The following PLCZ1 variants were observed in gnomAD, a reference collection of about 807,000 sequenced individuals.
PLCZ1 encodes 1-phosphatidylinositol 4,5-bisphosphate phosphodiesterase zeta-1.
A neutral mutation model predicts 76.8 loss-of-function variants in PLCZ1; 64 were observed. The ratio of observed to expected loss-of-function variants is 0.83; its 90% CI spans 0.68 to 1.03. The LOEUF (loss-of-function observed/expected upper bound fraction) is 1.03. Ranked by LOEUF, PLCZ1 falls within the 50% of genes least tolerant of loss-of-function variation. The pLI is 0.00. For synonymous variants in PLCZ1, 248 were observed against 230.8 expected (o/e 1.07, Z -0.68); for missense variants, 751 against 713.7 (o/e 1.05, Z -0.60).
At chr12:18,667,655 G>T in the PLCZ1 span, among the ~76,000 whole-genome samples, 2 of 152,130 alleles carry the variant, frequency 1.3e-5, no homozygotes, top group African/African-American at 4.8e-5. Flanking sequence ...GACCCAGTTT[G>T]TACAAGGCAT....
chr12:18,687,978 A>G, intron 13 of PLCZ1, 111 bp downstream of exon 13: 1 of 1,420,628 alleles, frequency 7.0e-7, no homozygotes. Context: ...ATAATGGAAA[A>G]CCCTTGTCTT....
chr12:18,689,876 A>G (rs1397356876), intron 12 of PLCZ1, among the ~76,000 whole-genome samples: 1 of 150,904 alleles, frequency 6.6e-6, no homozygotes, highest in Non-Finnish European at 1.5e-5. Context: ...GCCTTCTACT[A>G]TCTGAGCAAG....
the PLCZ1 span, among the ~76,000 whole-genome samples, chr12:18,668,182 A>C: frequency 6.6e-6 from 1 of 152,188 alleles, no homozygotes; most frequent in Non-Finnish European, 1.5e-5. Context: ...AAAGAAAAAA[A>C]GTCCAGTCAT....
chr12:18,730,017 C>T (rs1958956147), intron 3 of PLCZ1, among the ~76,000 whole-genome samples: 1 of 152,068 alleles, frequency 6.6e-6, no homozygotes, highest in Admixed American at 6.6e-5. Flanking sequence ...TAGGTATATT[C>T]ATACATAATA....
chr12:18,685,846 GCA>G (rs3055342), intron 13 of PLCZ1, among the ~76,000 whole-genome samples: 15,202 of 109,192 alleles, frequency 0.14, 1,198 homozygotes, highest in African/African-American at 0.31. Context: ...ACACACACGC[GCA>G]CACACACACA....
At chr12:18,675,022 C>T in the PLCZ1 span, among the ~76,000 whole-genome samples, 5 of 152,094 alleles carry the variant, frequency 3.3e-5, no homozygotes, top group East Asian at 1.9e-4. Context: ...CTTCCAAAGA[C>T]GGCAATAGTC....
chr12:18,736,088 C>T, intron 3 of PLCZ1, 133 bp downstream of exon 3: 1 of 990,208 alleles, frequency 1.0e-6, no homozygotes, highest in Non-Finnish European at 1.4e-6. Context: ...AAATGCTCTC[C>T]ATCTTGATTG....
At chr12:18,736,640 T>C (rs1364295418) in intron 2 of PLCZ1, 1 of 1,294,580 alleles carries the variant, frequency 7.7e-7, no homozygotes, top group Non-Finnish European at 1.0e-6. Flanking sequence ...TAACAATCTA[T>C]TGCCTGAAGG....
rs914835769 is a variant in PLCZ1 at position 18,692,858 on chromosome 12, T to G, written c.1461+2052A>C. On this transcript the variant is annotated intron_variant, in intron 12 of 14. Transcript: ENST00000266505. The stretch of plus-strand genomic sequence containing the variant: ...AGGACAAGAAAAAGAAATATGAACC[T>G]CCTGTACCAACTACAGTGGGGAAAA... 5 of 1,599,968 alleles carry G rather than the reference T, an allele frequency of 3.1e-6. No homozygotes were observed. In the African/African-American group the frequency reaches 6.7e-5, roughly 21 times the overall value.
chr12:18,660,960 A>G, the PLCZ1 span, among the ~76,000 whole-genome samples: 1 of 152,170 alleles, frequency 6.6e-6, no homozygotes, highest in African/African-American at 2.4e-5. Flanking sequence ...ATAAAAATAT[A>G]GAAAACCCAA....
intron 9 of PLCZ1, 73 bp downstream of exon 9, chr12:18,701,428 T>TA (rs979839898): frequency 9.0e-5 from 144 of 1,604,066 alleles, no homozygotes; most frequent in Non-Finnish European, 1.2e-4. Flanking sequence ...TCCAGAATTT[T>TA]AAAAAAATCT....
the PLCZ1 span, among the ~76,000 whole-genome samples, chr12:18,649,593 C>T: frequency 2.6e-5 from 4 of 152,136 alleles, no homozygotes; most frequent in African/African-American, 9.7e-5. Context: ...AAATGGTTGT[C>T]TTTACTGCCT....
the PLCZ1 span, among the ~76,000 whole-genome samples, chr12:18,654,070 T>C: frequency 6.6e-6 from 1 of 151,962 alleles, no homozygotes; most frequent in East Asian, 1.9e-4. Context: ...AAATAGAATG[T>C]GTCAAACTGA....
intron 13 of PLCZ1, among the ~76,000 whole-genome samples, chr12:18,686,943 G>T (rs1440548124): frequency 6.6e-6 from 1 of 151,960 alleles, no homozygotes; most frequent in Non-Finnish European, 1.5e-5. Context: ...AGTATTATAA[G>T]GGGTGCATTG....
At chr12:18,723,985 T>A (rs1385300148) in intron 3 of PLCZ1, among the ~76,000 whole-genome samples, 4 of 151,982 alleles carry the variant, frequency 2.6e-5, no homozygotes, top group Non-Finnish European at 1.5e-5. Flanking sequence ...CTTGAGGAAG[T>A]GGAGTCTGAG....
At chr12:18,700,826 T>G (rs934522489) in intron 9 of PLCZ1, among the ~76,000 whole-genome samples, 1 of 152,314 alleles carries the variant, frequency 6.6e-6, no homozygotes, top group East Asian at 1.9e-4. Flanking sequence ...TCTTTCATCA[T>G]GCTAATGTAT....
chr12:18,672,332 G>A, the PLCZ1 span, among the ~76,000 whole-genome samples: 8 of 151,906 alleles, frequency 5.3e-5, no homozygotes, highest in East Asian at 3.9e-4. Context: ...AACCTTTCCC[G>A]ACAGTTAAGA....
chr12:18,656,438 C>T, the PLCZ1 span, among the ~76,000 whole-genome samples: 2,312 of 152,044 alleles, frequency 0.015, 33 homozygotes, highest in African/African-American at 0.043. Flanking sequence ...TGGTGGCGGG[C>T]GCCTGTAATC....
chr12:18,650,186 G>A, the PLCZ1 span, among the ~76,000 whole-genome samples: 1 of 151,738 alleles, frequency 6.6e-6, no homozygotes, highest in South Asian at 2.1e-4. Flanking sequence ...GAAAATATTA[G>A]GGTTCTTTTC....
Sources: gnomAD v4.1 joint callset for allele counts (sites outside exome capture counted in the v4.1 genomes callset) on GRCh38, gnomAD v4.1.1 for gene constraint, MANE v1.5 for transcripts, NCBI Gene and HGNC (gene_info 2026-07-23, HGNC 2026-07-21) for gene names.